The following PALS1 variants were observed in gnomAD, a reference collection of about 807,000 sequenced individuals.
PALS1 encodes protein associated with LIN7 1, MAGUK p55 family member.
In PALS1, 31 loss-of-function variants were observed where a neutral mutation model predicts 78.9. That is an observed-to-expected ratio of 0.39 (90% CI 0.30 to 0.53). PALS1 has a LOEUF of 0.53. Ranked by LOEUF, PALS1 falls within the 20% of genes least tolerant of loss-of-function variation. The pLI, the probability that PALS1 is intolerant of heterozygous loss-of-function variation, is 0.67. For synonymous variants in PALS1, 276 were observed against 270.9 expected, an observed-to-expected ratio of 1.02 and a Z score of -0.18; for missense variants, 704 against 826.5, an observed-to-expected ratio of 0.85 and a Z score of 1.82.
intron 9 of PALS1, among the ~76,000 whole-genome samples, chr14:67,314,476 A>G (rs920367188): frequency 1.3e-5 from 2 of 152,176 alleles, no homozygotes; most frequent in African/African-American, 4.8e-5. Context: ...GGAGGAATGG[A>G]CTTCTTACAT....
chr14:67,244,299 T>C (rs1028441216), intron 1 of PALS1, among the ~76,000 whole-genome samples: 27 of 152,366 alleles, frequency 1.8e-4, no homozygotes, highest in African/African-American at 6.0e-4. Flanking sequence ...TAGGTTGATA[T>C]GTGTTTTCAA....
chr14:67,244,335 C>G (rs1214632145), intron 1 of PALS1, among the ~76,000 whole-genome samples: 1 of 152,148 alleles, frequency 6.6e-6, no homozygotes, highest in African/African-American at 2.4e-5. Flanking sequence ...CCAAATTACC[C>G]TTTTTAATGC....
At chr14:67,249,223 A>G (rs1328132320) in intron 1 of PALS1, among the ~76,000 whole-genome samples, 1 of 152,156 alleles carries the variant, frequency 6.6e-6, no homozygotes, top group Non-Finnish European at 1.5e-5. Context: ...CGGCCTCCCA[A>G]AGTGCTGGGA....
intron 14 of PALS1, 43 bp downstream of exon 14, chr14:67,323,855 A>G (rs368955348): frequency 7.2e-5 from 72 of 1,003,812 alleles, no homozygotes; most frequent in Non-Finnish European, 9.8e-5. Flanking sequence ...GAAGGTAAAC[A>G]TGAAACAGTC....
intron 2 of PALS1, chr14:67,271,185 G>A (rs1167577473): frequency 6.6e-6 from 1 of 152,160 alleles, no homozygotes; most frequent in East Asian, 1.9e-4. Context: ...ACGGATCCCT[G>A]CCAATTAGAT....
At chr14:67,244,941 G>T (rs2083966034) in intron 1 of PALS1, among the ~76,000 whole-genome samples, 2 of 152,120 alleles carry the variant, frequency 1.3e-5, no homozygotes, top group African/African-American at 4.8e-5. Context: ...AAAGGAAAGA[G>T]AGAGGCAGAA....
intron 2 of PALS1, chr14:67,271,219 T>C (rs1184771702): frequency 3.3e-5 from 5 of 152,346 alleles, no homozygotes; most frequent in Non-Finnish European, 7.3e-5. Context: ...GATCTACAGT[T>C]ACCTTGAAAT....
intron 1 of PALS1, among the ~76,000 whole-genome samples, chr14:67,265,677 T>C (rs2084311547): frequency 6.6e-6 from 1 of 151,952 alleles, no homozygotes; most frequent in Admixed American, 6.6e-5. Context: ...GCCAACATGG[T>C]AAAACCCTGT....
intron 4 of PALS1, among the ~76,000 whole-genome samples, chr14:67,296,901 C>T (rs1356778747): frequency 6.6e-6 from 1 of 152,100 alleles, no homozygotes; most frequent in African/African-American, 2.4e-5. Flanking sequence ...ACAATCCTTC[C>T]ATCTCAGCCT....
intron 7 of PALS1, among the ~76,000 whole-genome samples, chr14:67,303,035 TTTAAA>T (rs1269567168): frequency 1.3e-5 from 2 of 152,236 alleles, no homozygotes; most frequent in African/African-American, 2.4e-5. Context: ...GCTATTTCTG[TTTAAA>T]TTAAGTAAAA....
At chr14:67,327,274 A>AC (rs1473690541) in intron 14 of PALS1, among the ~76,000 whole-genome samples, 1 of 152,186 alleles carries the variant, frequency 6.6e-6, no homozygotes, top group Non-Finnish European at 1.5e-5. Context: ...TTGGATAAAC[A>AC]CCTAGGAGTA....
chr14:67,249,675 G>T (rs1001799859), intron 1 of PALS1, among the ~76,000 whole-genome samples: 2 of 152,096 alleles, frequency 1.3e-5, no homozygotes, highest in Non-Finnish European at 2.9e-5. Flanking sequence ...ATCATAATTG[G>T]CTTCACAATT....
intron 14 of PALS1, among the ~76,000 whole-genome samples, chr14:67,325,986 T>G (rs868542756): frequency 6.9e-6 from 1 of 145,656 alleles, no homozygotes; most frequent in Non-Finnish European, 1.5e-5. Flanking sequence ...TTTCTTTTTT[T>G]TTTTTTTTTT....
chr14:67,256,797 G>GAC (rs10654145), intron 1 of PALS1, among the ~76,000 whole-genome samples: 4,016 of 147,740 alleles, frequency 0.027, 74 homozygotes, highest in African/African-American at 0.036. Context: ...AGAAACTATT[G>GAC]ACACACACAC....
At chr14:67,302,685 A>T in intron 7 of PALS1, 114 bp downstream of exon 7, 2 of 818,320 alleles carry the variant, frequency 2.4e-6, no homozygotes, top group Middle Eastern at 4.1e-4. Context: ...TTCTAGCCTG[A>T]TTTTTCCATG....
chr14:67,303,818 A>G (rs1387654591), intron 8 of PALS1, among the ~76,000 whole-genome samples: 1 of 151,900 alleles, frequency 6.6e-6, no homozygotes, highest in East Asian at 1.9e-4. Flanking sequence ...CCCAGGGTAG[A>G]GTGCAGTGGT....
intron 14 of PALS1, among the ~76,000 whole-genome samples, chr14:67,325,821 T>C (rs967818198): frequency 2.0e-5 from 3 of 151,728 alleles, no homozygotes; most frequent in African/African-American, 7.3e-5. Context: ...ATCTTTTTTT[T>C]TTTTTGAGAC....
At chr14:67,254,182 C>CTTTTT (rs78097877) in intron 1 of PALS1, 7 of 118,552 alleles carry the variant, frequency 5.9e-5, no homozygotes, top group African/African-American at 9.1e-5. Flanking sequence ...AAGTGTCTTT[C>CTTTTT]TTTTTTTTTT....
intron 14 of PALS1, among the ~76,000 whole-genome samples, chr14:67,328,295 T>A (rs552585207): frequency 1.4e-3 from 220 of 152,386 alleles, no homozygotes; most frequent in Middle Eastern, 3.4e-3. Context: ...GAGAAGTGTC[T>A]GTTCATATCC....
Sources: allele counts gnomAD v4.1 joint callset (sites outside exome capture counted in the v4.1 genomes callset), GRCh38; gene constraint gnomAD v4.1.1; transcripts MANE v1.5; gene names NCBI Gene and HGNC (gene_info 2026-07-23, HGNC 2026-07-21).